The following SIMC1 variants were observed in gnomAD, a reference collection of about 807,000 sequenced individuals.
SIMC1 encodes the protein SUMO interacting motifs containing 1, also known as SUMO-interacting motif-containing protein 1.
In SIMC1, 55 loss-of-function variants were observed where a neutral mutation model predicts 82.3. The ratio of observed to expected loss-of-function variants is 0.67; its 90% confidence interval spans 0.54 to 0.84. SIMC1 has a LOEUF of 0.84. SIMC1 is among the 40% of genes least tolerant of loss of function. The pLI, the probability that SIMC1 is intolerant of heterozygous loss-of-function variation, is 0.00. For synonymous variants in SIMC1, 353 were observed against 426.3 expected, an observed-to-expected ratio of 0.83 and a Z score of 2.12; for missense variants, 915 against 1,107.2, an observed-to-expected ratio of 0.83 and a Z score of 2.46.
rs552235734 is a variant in SIMC1 at position 176,290,790 on chromosome 5, A to G, written c.1266A>G (p.Ile422Met). The change falls in exon 2 of 10, where the codon ATA becomes ATG. Residue 422 changes from isoleucine (I) to methionine (M), a missense_variant. This residue lies in a region of SIMC1 where 902 missense variants were observed against 1,040.3 expected (regional missense o/e 0.87). Coordinates refer to ENST00000429602, the MANE Select transcript of SIMC1 (RefSeq NM_001308195.2). ...SVMETPARKE[I>M]SLSEPAKPGS... The stretch of plus-strand genomic sequence containing the variant: ...TGGAAACCCCAGCCAGAAAAGAAAT[A>G]TCACTGTCAGAGCCTGCCAAACCTG... 57 of 1,613,480 alleles carry G rather than the reference A, an allele frequency of 3.5e-5. No individual in the cohort carries two copies. The South Asian group carries it at 5.8e-4, about 16-fold the overall frequency.
At chr5:176,273,473 G>T (rs542188083) in intron 1 of SIMC1, among the ~76,000 whole-genome samples, 1 of 152,044 alleles carries the variant, frequency 6.6e-6, no homozygotes, top group Admixed American at 6.5e-5. Context: ...AAACCACAAA[G>T]ATGGGGAGAA....
intron 6 of SIMC1, among the ~76,000 whole-genome samples, chr5:176,323,020 G>A (rs752356338): frequency 6.6e-5 from 10 of 152,192 alleles, no homozygotes; most frequent in African/African-American, 1.2e-4. Flanking sequence ...AAATAACCCA[G>A]TATTCCATGT....
At chr5:176,251,157 C>T (rs539806569) in intron 1 of SIMC1, among the ~76,000 whole-genome samples, 11 of 152,180 alleles carry the variant, frequency 7.2e-5, no homozygotes, top group Admixed American at 6.5e-4. Context: ...GTCAGGAGAT[C>T]GAGACCATCC....
chr5:176,320,241 T>G (rs558246827), intron 5 of SIMC1, among the ~76,000 whole-genome samples: 2 of 152,300 alleles, frequency 1.3e-5, no homozygotes, highest in East Asian at 3.9e-4. Context: ...ACCATCTGTT[T>G]TACCTCTCCA....
At chr5:176,340,962 C>T (rs1035149903) in intron 9 of SIMC1, among the ~76,000 whole-genome samples, 1 of 152,150 alleles carries the variant, frequency 6.6e-6, no homozygotes, top group African/African-American at 2.4e-5. Context: ...GCCTGGCCAA[C>T]ATGGCAGATC....
intron 1 of SIMC1, among the ~76,000 whole-genome samples, chr5:176,280,212 C>A (rs1396742780): frequency 6.6e-6 from 1 of 151,960 alleles, no homozygotes; most frequent in Non-Finnish European, 1.5e-5. Context: ...TGAATTGATC[C>A]CTTTACCATT....
Position 176,290,204 on chromosome 5 carries a change from C to G in SIMC1, c.680C>G (p.Pro227Arg), listed in dbSNP as rs1199701000. The G allele has an allele frequency of 3.1e-6, 5 of 1,604,030 alleles. No homozygotes were observed. The highest frequency in any genetic ancestry group is 4.3e-6 in the Non-Finnish European group (5 of 1,175,900). ...QALPCPLRPLPCPPRASPCPP... is the reference protein window; with the variant it reads ...QALPCPLRPLRCPPRASPCPP... ...TTGCCGTGCCCCCTGCGACCTTTGC[C>G]ATGCCCACCGAGAGCCTCACCATGT... The change falls in exon 2 of 10, where the codon CCA (proline) becomes CGA (arginine). Residue 227 changes from proline (P) to arginine (R), a missense_variant. Physicochemically the swap from Pro to Arg is moderately radical, Grantham distance 103 (BLOSUM62 -2). Transcript: ENST00000429602.
At chr5:176,341,438 T>C (rs928931308) in intron 9 of SIMC1, among the ~76,000 whole-genome samples, 3 of 152,196 alleles carry the variant, frequency 2.0e-5, no homozygotes, top group African/African-American at 7.2e-5. Context: ...AAGTGGTTGG[T>C]TCCAAGTAAG....
intron 1 of SIMC1, among the ~76,000 whole-genome samples, chr5:176,247,435 G>A (rs1374618298): frequency 7.9e-5 from 12 of 151,878 alleles, no homozygotes; most frequent in African/African-American, 2.7e-4. Context: ...TATATCCTTC[G>A]CCCACTTTTT....
intron 1 of SIMC1, among the ~76,000 whole-genome samples, chr5:176,282,548 G>A (rs567357679): frequency 6.4e-4 from 98 of 152,160 alleles, no homozygotes; most frequent in African/African-American, 1.9e-3. Context: ...GCTGTAGACC[G>A]GAGCTGTTCC....
chr5:176,291,071 T>C (rs1472105344), intron 2 of SIMC1, 116 bp downstream of exon 2: 2 of 657,204 alleles, frequency 3.0e-6, no homozygotes, highest in Admixed American at 3.1e-5. Context: ...AAATTTCTTA[T>C]CTTTCCTCCA....
At chr5:176,265,648 T>C (rs1229683881) in intron 1 of SIMC1, among the ~76,000 whole-genome samples, 1 of 152,088 alleles carries the variant, frequency 6.6e-6, no homozygotes, top group East Asian at 1.9e-4. Flanking sequence ...AGATGCCAAA[T>C]ATCGGGATGC....
chr5:176,325,385 C>G (rs1252635544), intron 7 of SIMC1, among the ~76,000 whole-genome samples: 1 of 149,656 alleles, frequency 6.7e-6, no homozygotes, highest in African/African-American at 2.5e-5. Flanking sequence ...GACTCCATCT[C>G]AAAAAAAATA....
At chr5:176,282,840 G>A (rs1763076108) in intron 1 of SIMC1, among the ~76,000 whole-genome samples, 1 of 152,192 alleles carries the variant, frequency 6.6e-6, no homozygotes, top group African/African-American at 2.4e-5. Flanking sequence ...TGACCTGATG[G>A]AGCTGAAAAC....
chr5:176,253,555 T>G (rs1299299736), intron 1 of SIMC1, among the ~76,000 whole-genome samples: 1 of 152,120 alleles, frequency 6.6e-6, no homozygotes, highest in Non-Finnish European at 1.5e-5. Flanking sequence ...GATGGACCTA[T>G]CCTGGATTGT....
At chr5:176,277,584 C>G (rs1762770621) in intron 1 of SIMC1, among the ~76,000 whole-genome samples, 1 of 152,018 alleles carries the variant, frequency 6.6e-6, no homozygotes, top group African/African-American at 2.4e-5. Flanking sequence ...AGTTTTAGGT[C>G]TAACGTTTAA....
intron 1 of SIMC1, among the ~76,000 whole-genome samples, chr5:176,248,323 A>G (rs901391444): frequency 4.6e-5 from 7 of 152,114 alleles, no homozygotes; most frequent in African/African-American, 1.7e-4. Context: ...GGTCCTTCAC[A>G]TCCCTTGTAA....
intron 1 of SIMC1, among the ~76,000 whole-genome samples, chr5:176,252,094 G>A (rs1004127645): frequency 6.6e-6 from 1 of 152,180 alleles, no homozygotes; most frequent in Admixed American, 6.5e-5. Flanking sequence ...ATGAGCTGTT[G>A]GGTACACCTC....
chr5:176,341,454 G>A (rs187940013), intron 9 of SIMC1, among the ~76,000 whole-genome samples: 1 of 152,360 alleles, frequency 6.6e-6, no homozygotes, highest in East Asian at 1.9e-4. Flanking sequence ...GTAAGGGAGT[G>A]TCATGATCAG....
Sources: allele counts gnomAD v4.1 joint callset (sites outside exome capture counted in the v4.1 genomes callset), GRCh38; gene constraint gnomAD v4.1.1; regional missense constraint gnomAD v4.1.1; transcripts MANE v1.5; gene names NCBI Gene and HGNC (gene_info 2026-07-23, HGNC 2026-07-21).